DTD1: variants seen among roughly 807,000 people sequenced by gnomAD.
The protein encoded by DTD1 is D-aminoacyl-tRNA deacylase 1, also known as D-tyrosyl-tRNA deacylase 1 homolog.
DTD1 carries 13 observed loss-of-function variants against 25.6 expected under a neutral mutation model. The ratio of observed to expected loss-of-function variants is 0.51; its 90% CI spans 0.33 to 0.81. The LOEUF is 0.81. DTD1 is among the 30% of genes least tolerant of loss of function. The probability of loss-of-function intolerance (pLI) is 0.02; values close to 1 mark genes in which losing one functional copy is unlikely to be tolerated. For synonymous variants in DTD1, 110 were observed against 103.6 expected (o/e 1.06, Z -0.37); for missense variants, 193 against 266.4 (o/e 0.72, Z 1.92).
chr20:18,690,963 CAG>C (rs1235648956), intron 4 of DTD1, among the ~76,000 whole-genome samples: 2 of 152,136 alleles, frequency 1.3e-5, no homozygotes, highest in African/African-American at 4.8e-5. Flanking sequence ...AGGACATGAA[CAG>C]ACACTGCTCA....
At chr20:18,682,850 A>G (rs763626448) in intron 4 of DTD1, among the ~76,000 whole-genome samples, 1 of 152,148 alleles carries the variant, frequency 6.6e-6, no homozygotes, top group Non-Finnish European at 1.5e-5. Flanking sequence ...AGTGGTTTTC[A>G]TAGGTTCATG....
chr20:18,708,285 T>TAATATATATATAATATATATATTTTA (rs1316510709), intron 4 of DTD1, among the ~76,000 whole-genome samples: 1 of 35,734 alleles, frequency 2.8e-5, no homozygotes, highest in African/African-American at 1.0e-4. Flanking sequence ...ATAATATATA[T>TAATATATATATAATATATATATTTTA]TATATATATA....
chr20:18,715,138 T>C (rs1230590075), intron 4 of DTD1, among the ~76,000 whole-genome samples: 1 of 152,116 alleles, frequency 6.6e-6, no homozygotes, highest in Non-Finnish European at 1.5e-5. Flanking sequence ...GTGGGTGTCA[T>C]CCCTGAGTCC....
chr20:18,735,938 C>T (rs1568685173), intron 4 of DTD1, among the ~76,000 whole-genome samples: 1 of 151,938 alleles, frequency 6.6e-6, no homozygotes, highest in African/African-American at 2.4e-5. Context: ...TGCACAGACT[C>T]TTTTTTTTCA....
At chr20:18,759,960 C>A (rs150634944) in intron 5 of DTD1, among the ~76,000 whole-genome samples, 6 of 152,286 alleles carry the variant, frequency 3.9e-5, no homozygotes, top group Non-Finnish European at 5.9e-5. Flanking sequence ...CTCTAAACTT[C>A]TCTTCTCGCT....
At chr20:18,591,505 T>C (rs1450728479) in intron 1 of DTD1, among the ~76,000 whole-genome samples, 1 of 152,140 alleles carries the variant, frequency 6.6e-6, no homozygotes, top group Non-Finnish European at 1.5e-5. Context: ...TGCAATATTA[T>C]TATAAAAATT....
intron 1 of DTD1, 42 bp downstream of exon 1, chr20:18,588,157 C>T (rs1308083816): frequency 8.1e-7 from 1 of 1,235,010 alleles, no homozygotes; most frequent in Non-Finnish European, 1.0e-6. Flanking sequence ...CCGCCCCTGA[C>T]CCCCGCGACC....
chr20:18,746,739 C>T (rs2061302023), intron 5 of DTD1, among the ~76,000 whole-genome samples: 1 of 152,138 alleles, frequency 6.6e-6, no homozygotes, highest in African/African-American at 2.4e-5. Flanking sequence ...TAATTGGGCA[C>T]AGTGGCACCA....
At chr20:18,670,996 C>CA (rs2060949818) in intron 4 of DTD1, among the ~76,000 whole-genome samples, 2 of 152,196 alleles carry the variant, frequency 1.3e-5, no homozygotes, top group Non-Finnish European at 2.9e-5. Context: ...TTGTGGATGA[C>CA]AACCTCATGG....
At chr20:18,630,652 G>A (rs1158100947) in intron 4 of DTD1, 1 of 152,070 alleles carries the variant, frequency 6.6e-6, no homozygotes, top group African/African-American at 2.4e-5. Flanking sequence ...GTGAACTACC[G>A]CGCCCAGCCA....
At chr20:18,589,885 G>T (rs1430944621) in intron 1 of DTD1, among the ~76,000 whole-genome samples, 1 of 150,794 alleles carries the variant, frequency 6.6e-6, no homozygotes, top group Non-Finnish European at 1.5e-5. Context: ...TTATGGGAAA[G>T]TGTAAATAAT....
Position 18,744,211 on chromosome 20 carries a change from A to T in DTD1, c.589A>T (p.Ser197Cys), listed in dbSNP as rs779062266. 3 of 1,612,282 alleles carry T rather than the reference A, an allele frequency of 1.9e-6. No homozygotes were observed. The part of the protein sequence containing the change: ...TPRKEDRSAS[S>C]GAEGDVSSER... ...CCGAAAAGAAGACCGCAGTGCCAGC[A>T]GCGGGGCTGAGGGCGACGTGTCCTC... Residue 197 changes from serine to cysteine, a missense_variant, in exon 5 of 6, where the codon AGC (serine) becomes TGC (cysteine). By Grantham distance (112) the Ser-to-Cys change is moderately radical. Coordinates refer to ENST00000377452, the MANE Select transcript of DTD1 (RefSeq NM_080820.6).
intron 4 of DTD1, among the ~76,000 whole-genome samples, chr20:18,740,204 T>A (rs536581830): frequency 1.6e-4 from 24 of 152,030 alleles, no homozygotes; most frequent in Admixed American, 5.9e-4. Flanking sequence ...CATAAAAGAG[T>A]ACAAAGTGAA....
chr20:18,732,392 T>C (rs1422368951), intron 4 of DTD1, among the ~76,000 whole-genome samples: 1 of 152,240 alleles, frequency 6.6e-6, no homozygotes, highest in Non-Finnish European at 1.5e-5. Flanking sequence ...AGATGTTGAC[T>C]AAAGTCTAAA....
intron 4 of DTD1, among the ~76,000 whole-genome samples, chr20:18,664,994 T>C (rs6136459): frequency 0.33 from 50,729 of 151,974 alleles, 8,890 homozygotes; most frequent in Non-Finnish European, 0.4. Context: ...AGAAAAAAAA[T>C]AATAAAAAGC....
intron 4 of DTD1, among the ~76,000 whole-genome samples, chr20:18,742,885 AG>A (rs1392901046): frequency 1.3e-5 from 2 of 152,224 alleles, no homozygotes; most frequent in Non-Finnish European, 2.9e-5. Flanking sequence ...AGGGACCAGC[AG>A]GGAGAAGCCA....
intron 5 of DTD1, among the ~76,000 whole-genome samples, chr20:18,753,607 CAAA>C (rs58081760): frequency 3.1e-5 from 2 of 65,338 alleles, no homozygotes; most frequent in African/African-American, 6.4e-5. Flanking sequence ...AACTCTGTCT[CAAA>C]AAAAAAAAAA....
chr20:18,698,422 C>T (rs569464250), intron 4 of DTD1: 1 of 152,148 alleles, frequency 6.6e-6, no homozygotes, highest in East Asian at 1.9e-4. Flanking sequence ...TTTTTTTAAC[C>T]TCTACATTTA....
In DTD1 at chr20:18,595,269, C is replaced by CT. The variant is rs965107418; in HGVS notation, c.135-727dup. ...CAGTGTATTTGCTGAATTGTTCTTT[C>CT]TTTTTTTTTTCTTTTGAGACAGAGT... On this transcript the variant is annotated intron_variant, in intron 2 of 5. Coordinates refer to ENST00000377452, the MANE Select transcript of DTD1 (RefSeq NM_080820.6). Among the ~76,000 whole-genome samples, 13 of 150,036 alleles carry CT rather than the reference C, an allele frequency of 8.7e-5. No individual in the cohort carries two copies. In the South Asian group the frequency reaches 1.5e-3, roughly 17 times the overall value.
Sources: gnomAD v4.1 joint callset for allele counts (sites outside exome capture counted in the v4.1 genomes callset) on GRCh38, gnomAD v4.1.1 for gene constraint, MANE v1.5 for transcripts, NCBI Gene and HGNC (gene_info 2026-07-23, HGNC 2026-07-21) for gene names.